The following DNAAF11 variants were observed in gnomAD, a reference collection of about 807,000 sequenced individuals.
DNAAF11 encodes the protein dynein axonemal assembly factor 11.
Under a neutral mutation model 60.8 loss-of-function variants are expected in DNAAF11, and 45 were observed. That is an observed-to-expected ratio of 0.74 (90% CI 0.58 to 0.95). The LOEUF (loss-of-function observed/expected upper bound fraction) is 0.95. Among genes scored for constraint, DNAAF11 ranks in the 40% least tolerant of loss-of-function variants. The pLI is 0.00. For synonymous variants in DNAAF11, 191 were observed against 183.5 expected (o/e 1.04, Z -0.33); for missense variants, 546 against 546.2 (o/e 1.00, Z 0.00).
intron 4 of DNAAF11, among the ~76,000 whole-genome samples, chr8:132,637,334 G>A (rs375586035): frequency 1.3e-5 from 2 of 152,212 alleles, no homozygotes; most frequent in Non-Finnish European, 1.5e-5. Context: ...TGCCGGGCAC[G>A]GTGGCTCATG....
chr8:132,688,661 C>T, the DNAAF11 span, among the ~76,000 whole-genome samples: 3 of 152,046 alleles, frequency 2.0e-5, no homozygotes, highest in East Asian at 3.9e-4. Flanking sequence ...AGTAGAGAAG[C>T]CTGCATGAGA....
At chr8:132,577,398 T>C (rs1425782210) in intron 11 of DNAAF11, among the ~76,000 whole-genome samples, 1 of 152,232 alleles carries the variant, frequency 6.6e-6, no homozygotes, top group Non-Finnish European at 1.5e-5. Context: ...AGGTATTCTA[T>C]TACTCGTAGC....
In DNAAF11 at chr8:132,620,614, C is replaced by T. The variant is rs183115260; in HGVS notation, c.914+1997G>A. Among the ~76,000 whole-genome samples the T allele has an allele frequency of 1.1e-3, 161 of 152,244 alleles. 1 individual carries two copies. The highest frequency in any genetic ancestry group is 3.6e-3 in the African/African-American group (151 of 41,538). ...TCTCCCAAAGTGCTGGGATTATAGG[C>T]GTGAGCCACTGCACCTGGCCCAAGG... On this transcript the variant is annotated intron_variant, in intron 7 of 11. Transcript: ENST00000620350.
chr8:132,653,261 G>GAAA (rs1823208751), intron 3 of DNAAF11, among the ~76,000 whole-genome samples: 1 of 152,154 alleles, frequency 6.6e-6, no homozygotes, highest in South Asian at 2.1e-4. Flanking sequence ...TGGTAAAAAT[G>GAAA]TAGTTGTCAA....
Position 132,675,495 on chromosome 8 carries a change from G to C in DNAAF11, c.-2C>G. On this transcript the variant is annotated 5_prime_UTR_variant, in exon 1 of 12. Transcript: ENST00000620350. ...GGAGGGGGGCTTACTCCAGCCCATGGCGCCTCTCCAGTTCGCTGACCCCGC... is the reference window on the plus strand; with the variant it reads ...GGAGGGGGGCTTACTCCAGCCCATGCCGCCTCTCCAGTTCGCTGACCCCGC... 1 of 1,567,160 alleles carries C rather than the reference G, an allele frequency of 6.4e-7. No individual in the cohort carries two copies. Among genetic ancestry groups the C allele is most frequent in the Non-Finnish European group, 8.7e-7 (1 of 1,153,174 alleles).
chr8:132,631,042 T>C (rs1215264920), intron 5 of DNAAF11, among the ~76,000 whole-genome samples: 4 of 152,224 alleles, frequency 2.6e-5, no homozygotes, highest in Non-Finnish European at 5.9e-5. Flanking sequence ...GAAACTTTCA[T>C]ACCTGAACAA....
intron 4 of DNAAF11, among the ~76,000 whole-genome samples, chr8:132,634,562 A>C (rs1488634840): frequency 1.3e-5 from 2 of 152,036 alleles, no homozygotes; most frequent in Non-Finnish European, 2.9e-5. Context: ...ATCTAATTTA[A>C]TACAGGATTG....
intron 10 of DNAAF11, among the ~76,000 whole-genome samples, chr8:132,592,681 G>C (rs1018495825): frequency 1.3e-5 from 2 of 152,148 alleles, no homozygotes; most frequent in Admixed American, 6.5e-5. Context: ...AATAAAATAT[G>C]AAAAGAGGAA....
chr8:132,661,764 A>G (rs1406532713), intron 1 of DNAAF11, 137 bp from the exon 2 acceptor site: 1 of 820,154 alleles, frequency 1.2e-6, no homozygotes. Context: ...GCGATTTTCA[A>G]AGTGAGAGAG....
At chr8:132,652,881 G>C (rs1029833312) in intron 3 of DNAAF11, among the ~76,000 whole-genome samples, 1 of 151,854 alleles carries the variant, frequency 6.6e-6, no homozygotes, top group Admixed American at 6.6e-5. Context: ...CATGGCACGC[G>C]TATACCTATG....
At chr8:132,581,565 G>A (rs1275253039) in intron 11 of DNAAF11, among the ~76,000 whole-genome samples, 6 of 150,580 alleles carry the variant, frequency 4.0e-5, no homozygotes, top group African/African-American at 1.5e-4. Flanking sequence ...CTGGAGAATC[G>A]CTTGAATCCA....
intron 6 of DNAAF11, 164 bp from the exon 7 acceptor site, chr8:132,622,852 AT>A (rs1819898127): frequency 1.7e-6 from 1 of 581,960 alleles, no homozygotes; most frequent in Non-Finnish European, 3.0e-6. Context: ...CATTCCTTTA[AT>A]TCTATGCTGG....
At chr8:132,694,347 G>A in the DNAAF11 span, among the ~76,000 whole-genome samples, 3 of 152,040 alleles carry the variant, frequency 2.0e-5, no homozygotes, top group African/African-American at 7.3e-5. Context: ...AATATGACTG[G>A]TGTCCTCATA....
chr8:132,674,160 A>C (rs1300989880), intron 1 of DNAAF11, among the ~76,000 whole-genome samples: 711 of 38,950 alleles, frequency 0.018, 70 homozygotes, highest in African/African-American at 0.063. Flanking sequence ...GGAGGAGGAG[A>C]AGGAGAAGGA....
At chr8:132,625,826 T>C (rs1423160120) in intron 5 of DNAAF11, among the ~76,000 whole-genome samples, 1 of 152,160 alleles carries the variant, frequency 6.6e-6, no homozygotes, top group Non-Finnish European at 1.5e-5. Context: ...AGATCTGAAG[T>C]AGTAGATCTG....
the DNAAF11 span, among the ~76,000 whole-genome samples, chr8:132,683,771 C>T: frequency 6.6e-6 from 1 of 152,164 alleles, no homozygotes; most frequent in Non-Finnish European, 1.5e-5. Flanking sequence ...ATCTTTTCTC[C>T]TGGATCTCTT....
chr8:132,692,659 C>G, the DNAAF11 span, among the ~76,000 whole-genome samples: 64 of 152,314 alleles, frequency 4.2e-4, no homozygotes, highest in African/African-American at 1.5e-3. Context: ...TGAAGGTGCT[C>G]AAACCCTTGA....
At chr8:132,651,843 G>A (rs1388439204) in intron 3 of DNAAF11, among the ~76,000 whole-genome samples, 1 of 152,120 alleles carries the variant, frequency 6.6e-6, no homozygotes, top group Non-Finnish European at 1.5e-5. Context: ...AGGAGAACAG[G>A]GCCGTAAAAC....
At chr8:132,619,960 G>A (rs1563633165) in intron 7 of DNAAF11, among the ~76,000 whole-genome samples, 1 of 152,094 alleles carries the variant, frequency 6.6e-6, no homozygotes, top group Non-Finnish European at 1.5e-5. Flanking sequence ...GATGTTGGGA[G>A]GAAAAGAAAT....
Sources: allele counts gnomAD v4.1 joint callset (sites outside exome capture counted in the v4.1 genomes callset), GRCh38; gene constraint gnomAD v4.1.1; transcripts MANE v1.5; gene names NCBI Gene and HGNC (gene_info 2026-07-23, HGNC 2026-07-21).